The following SPINK5 variants were observed in gnomAD, a reference collection of about 807,000 sequenced individuals.
SPINK5 encodes serine peptidase inhibitor Kazal type 5, also known as serine protease inhibitor Kazal-type 5.
In SPINK5, 125 loss-of-function variants were observed where a neutral mutation model predicts 151.8. That is an observed-to-expected ratio of 0.82 (90% CI 0.71 to 0.96). The LOEUF (loss-of-function observed/expected upper bound fraction) is 0.96, where lower values mean the gene tolerates loss of function less well. SPINK5 is among the 40% of genes least tolerant of loss of function. The probability of loss-of-function intolerance (pLI) is 0.00; values close to 1 mark genes in which losing one functional copy is unlikely to be tolerated. For missense variants in SPINK5, 1,194 were observed against 1,291.9 expected, an observed-to-expected ratio of 0.92 and a Z score of 1.16; for synonymous variants, 374 against 395.3, an observed-to-expected ratio of 0.95 and a Z score of 0.64.
chr5:148,065,494 TG>T, intron 2 of SPINK5, 122 bp downstream of exon 2: 1 of 1,074,512 alleles, frequency 9.3e-7, no homozygotes, highest in African/African-American at 1.6e-5. Context: ...TAATAGCTTT[TG>T]TTAAAAACAC....
rs1430243827 is a variant in SPINK5, at chr5:148,125,929, A to G, written c.2867+79A>G. On this transcript the variant is annotated intron_variant, in intron 29 of 32. Coordinates refer to ENST00000256084, the MANE Select transcript of SPINK5 (RefSeq NM_006846.4). ...GAAACTGCTGCTTGAATAAGTTTGT[A>G]TATTTATGAACCCCATGGGATTTTA... 9 of 1,596,772 alleles carry G rather than the reference A, an allele frequency of 5.6e-6. No homozygotes were observed. In the African/African-American group the frequency reaches 1.1e-4, roughly 19 times the overall value.
intron 4 of SPINK5, among the ~76,000 whole-genome samples, chr5:148,083,624 T>G (rs1169683389): frequency 6.6e-6 from 1 of 151,580 alleles, no homozygotes; most frequent in Admixed American, 6.6e-5. Flanking sequence ...TCTCTCCAAA[T>G]GTATGTTAAT....
chr5:148,081,371 A>G (rs998104639), intron 4 of SPINK5, among the ~76,000 whole-genome samples: 1 of 151,756 alleles, frequency 6.6e-6, no homozygotes, highest in Non-Finnish European at 1.5e-5. Flanking sequence ...CAAATGTCCA[A>G]ATGTCCACTG....
chr5:148,112,161 G>C (rs1753951816), intron 19 of SPINK5, among the ~76,000 whole-genome samples: 1 of 152,152 alleles, frequency 6.6e-6, no homozygotes, highest in South Asian at 2.1e-4. Context: ...GGCATAAAAG[G>C]ATTAGGACTT....
intron 8 of SPINK5, among the ~76,000 whole-genome samples, chr5:148,092,979 C>T (rs1462904848): frequency 6.6e-6 from 1 of 151,888 alleles, no homozygotes; most frequent in African/African-American, 2.4e-5. Context: ...AACTGTGGTT[C>T]CAAAGGAGAA....
chr5:148,121,410 A>G (rs951899743), intron 26 of SPINK5, among the ~76,000 whole-genome samples: 29 of 151,982 alleles, frequency 1.9e-4, no homozygotes, highest in Non-Finnish European at 3.5e-4. Context: ...TTAAGCCTGT[A>G]GTGGCTAAAG....
chr5:148,109,798 A>G (rs1300118636), intron 18 of SPINK5, among the ~76,000 whole-genome samples: 4 of 152,196 alleles, frequency 2.6e-5, no homozygotes, highest in Non-Finnish European at 2.9e-5. Context: ...ATTTAAAACC[A>G]TAAGGCAGGT....
chr5:148,082,800 A>G (rs1316212712), intron 4 of SPINK5, among the ~76,000 whole-genome samples: 1 of 28,010 alleles, frequency 3.6e-5, no homozygotes, highest in African/African-American at 2.3e-4. Flanking sequence ...TAGTAGAGAC[A>G]GGGTTTCACC....
chr5:148,105,202 GGTTT>G (rs1298117011), intron 16 of SPINK5, among the ~76,000 whole-genome samples: 2 of 152,056 alleles, frequency 1.3e-5, no homozygotes, highest in African/African-American at 4.8e-5. Flanking sequence ...CAAATTTTGA[GGTTT>G]ATTTCATAAA....
chr5:148,136,760 C>T (rs7443321), intron 32 of SPINK5, among the ~76,000 whole-genome samples: 6,101 of 152,250 alleles, frequency 0.04, 192 homozygotes, highest in East Asian at 0.13. Context: ...CAGAATTAAG[C>T]CATGTTCATA....
rs1754228931 is a variant in SPINK5 at position 148,120,499 on chromosome 5, TA to T, written c.2538+109del. On this transcript the variant is annotated intron_variant, in intron 26 of 32. Coordinates refer to ENST00000256084, the MANE Select transcript of SPINK5 (RefSeq NM_006846.4). Reference sequence around the variant, plus strand: ...CTGACTCTGTCCCAATCATTGGTGATATAACGGTAAACAATGAAGTCATGGC... The same window carrying T: ...CTGACTCTGTCCCAATCATTGGTGATTAACGGTAAACAATGAAGTCATGGC... 4.4e-6 allele frequency: 6 copies of T among 1,362,006 alleles called. No homozygotes were observed. In the South Asian group the frequency reaches 7.6e-5, roughly 17 times the overall value. 84.4% of individuals were successfully genotyped at this position (1,362,006 alleles called of 1,614,324 possible).
chr5:148,114,660 T>C (rs1236675896), intron 21 of SPINK5, among the ~76,000 whole-genome samples, 171 bp downstream of exon 21: 1 of 152,220 alleles, frequency 6.6e-6, no homozygotes, highest in Non-Finnish European at 1.5e-5. Flanking sequence ...GATTCACAGT[T>C]CTAGAAATAA....
At chr5:148,080,458 C>T (rs1453978927) in intron 4 of SPINK5, among the ~76,000 whole-genome samples, 3 of 151,096 alleles carry the variant, frequency 2.0e-5, no homozygotes, top group African/African-American at 2.4e-5. Context: ...TGTTATAATG[C>T]AATAGTGATC....
In SPINK5 at chr5:148,126,307, AATGATG is replaced by A. The variant is rs10653454; in HGVS notation, c.2867+479_2867+484del. 3.6e-3 allele frequency among the ~76,000 whole-genome samples: 549 copies of A among 150,692 alleles called. 2 individuals are homozygous for A. Among genetic ancestry groups the A allele is most frequent in the African/African-American group, 8.6e-3 (355 of 41,168 alleles). On this transcript the variant is annotated intron_variant, in intron 29 of 32. Transcript: ENST00000256084. Reference sequence around the variant, plus strand: ...GAAATGGAGACCAATGGACATTATAAATGATGATGATGATGATGATGATGATGGTTG... The same window carrying A: ...GAAATGGAGACCAATGGACATTATAAATGATGATGATGATGATGATGGTTG...
chr5:148,111,804 G>A lies in SPINK5; in HGVS notation c.1729G>A (p.Gly577Arg). ...TGAATATCGTCATTATGTGAGGAATGGACGACTCCCCTGTACCAGAGAGAA... is the reference window on the plus strand; with the variant it reads ...TGAATATCGTCATTATGTGAGGAATAGACGACTCCCCTGTACCAGAGAGAA... ...CSEYRHYVRNGRLPCTRENDP... is the reference protein window; with the variant it reads ...CSEYRHYVRNRRLPCTRENDP... The change falls in exon 19 of 33, where the codon GGA (glycine) becomes AGA (arginine). Residue 577 changes from glycine to arginine, a missense_variant. Coordinates refer to ENST00000256084, the MANE Select transcript of SPINK5 (RefSeq NM_006846.4). The A allele has an allele frequency of 6.2e-7, 1 of 1,614,060 alleles. No individual in the cohort carries two copies. Among genetic ancestry groups the A allele is most frequent in the African/African-American group, 1.3e-5 (1 of 75,024 alleles).
At position 148,108,814 on chromosome 5, in the gene SPINK5, A is replaced by G. The variant is rs1332688481; in HGVS notation, c.1669A>G (p.Lys557Glu). The G allele has an allele frequency of 6.2e-7, 1 of 1,612,384 alleles. No individual in the cohort carries two copies. Among genetic ancestry groups the G allele is most frequent in the South Asian group, 1.1e-5 (1 of 91,050 alleles). The change falls in exon 18 of 33, where the codon AAA becomes GAA. Residue 557 changes from lysine (K) to glutamate (E), a missense_variant. Coordinates refer to ENST00000256084, the MANE Select transcript of SPINK5 (RefSeq NM_006846.4). Reference protein sequence around the residue: ...KEEKGKVEAEKVKREAVQELC... With the variant: ...KEEKGKVEAEEVKREAVQELC... ...AGAAAAAGGGAAAGTCGAGGCTGAAAAAGTTAAGAGAGAAGCAGTTCAGGT... is the reference window on the plus strand; with the variant it reads ...AGAAAAAGGGAAAGTCGAGGCTGAAGAAGTTAAGAGAGAAGCAGTTCAGGT...
rs543495698 is a variant in SPINK5 at position 148,067,099 on chromosome 5, G to A, written c.81+1727G>A. Among the ~76,000 whole-genome samples, 50 of 152,322 alleles carry A rather than the reference G, an allele frequency of 3.3e-4. No individual in the cohort carries two copies. The South Asian group carries it at 0.01, about 32-fold the overall frequency. Reference sequence around the variant, plus strand: ...CTAAACAGCAGGGAAAAGCACTGCAGCAATCTGCAAGGATCTTAAGCATGC... The same window carrying A: ...CTAAACAGCAGGGAAAAGCACTGCAACAATCTGCAAGGATCTTAAGCATGC... On this transcript the variant is annotated intron_variant, in intron 2 of 32. Coordinates refer to ENST00000256084, the MANE Select transcript of SPINK5 (RefSeq NM_006846.4).
intron 2 of SPINK5, 172 bp downstream of exon 2, chr5:148,065,544 C>A: frequency 1.9e-6 from 1 of 540,204 alleles, no homozygotes; most frequent in South Asian, 2.1e-5. Context: ...GAGCCTCTCT[C>A]TCACACACAC....
At chr5:148,109,098 T>A (rs1187364914) in intron 18 of SPINK5, among the ~76,000 whole-genome samples, 1 of 152,186 alleles carries the variant, frequency 6.6e-6, no homozygotes, top group Non-Finnish European at 1.5e-5. Context: ...AAGAAAGAAG[T>A]ATATATAGAT....
Sources: gnomAD v4.1 joint callset for allele counts (sites outside exome capture counted in the v4.1 genomes callset) on GRCh38, gnomAD v4.1.1 for gene constraint, MANE v1.5 for transcripts, NCBI Gene and HGNC (gene_info 2026-07-23, HGNC 2026-07-21) for gene names.